TNFSF4: variants seen among roughly 807,000 people sequenced by gnomAD.
TNFSF4 encodes the protein tumor necrosis factor ligand superfamily member 4.
In TNFSF4, 4 loss-of-function variants were observed where a neutral mutation model predicts 7.3. The observed-to-expected ratio is 0.55, with a 90% CI of 0.27 to 1.25. The LOEUF (loss-of-function observed/expected upper bound fraction) is 1.25, where lower values mean the gene tolerates loss of function less well. Ranked by LOEUF, TNFSF4 falls within the 50% of genes most tolerant of loss-of-function variation. TNFSF4 has a pLI of 0.12. For synonymous variants in TNFSF4, 76 were observed against 83.7 expected, an observed-to-expected ratio of 0.91 and a Z score of 0.50; for missense variants, 181 against 208.8, an observed-to-expected ratio of 0.87 and a Z score of 0.82.
the TNFSF4 span, among the ~76,000 whole-genome samples, chr1:173,436,602 G>GT: frequency 6.6e-6 from 1 of 152,126 alleles, no homozygotes; most frequent in African/African-American, 2.4e-5. Context: ...TAGAGGTGGG[G>GT]TTTCACCATC....
At chr1:173,267,128 G>A in the TNFSF4 span, among the ~76,000 whole-genome samples, 7 of 152,178 alleles carry the variant, frequency 4.6e-5, no homozygotes, top group South Asian at 2.1e-4. Context: ...AATTAAGATC[G>A]AAAGATGTAT....
the TNFSF4 span, among the ~76,000 whole-genome samples, chr1:173,343,258 G>A: frequency 6.6e-6 from 1 of 152,200 alleles, no homozygotes; most frequent in Admixed American, 6.5e-5. Flanking sequence ...AGCAGGAGAT[G>A]GGAATTTCTG....
chr1:173,249,005 T>C, the TNFSF4 span, among the ~76,000 whole-genome samples: 1 of 152,178 alleles, frequency 6.6e-6, no homozygotes, highest in South Asian at 2.1e-4. Flanking sequence ...AAAAGATGAA[T>C]GAGTAGCCAA....
chr1:173,351,841 C>T, the TNFSF4 span: 2 of 605,678 alleles, frequency 3.3e-6, no homozygotes, highest in Non-Finnish European at 6.1e-6. Context: ...CAGGAAAAGG[C>T]CAATGGCACA....
At chr1:173,348,834 C>T in the TNFSF4 span, among the ~76,000 whole-genome samples, 1 of 152,112 alleles carries the variant, frequency 6.6e-6, no homozygotes. Context: ...AAAACTAGGA[C>T]ATATACAGTG....
At chr1:173,248,565 A>G in the TNFSF4 span, among the ~76,000 whole-genome samples, 1 of 152,146 alleles carries the variant, frequency 6.6e-6, no homozygotes, top group South Asian at 2.1e-4. Context: ...AAGAAAGAAC[A>G]AAGGAAGAAA....
the TNFSF4 span, among the ~76,000 whole-genome samples, chr1:173,300,694 A>C: frequency 6.6e-6 from 1 of 151,816 alleles, no homozygotes; most frequent in Admixed American, 6.6e-5. Context: ...AAATCAACAT[A>C]ATTTCCAGTT....
At chr1:173,237,763 C>T in the TNFSF4 span, among the ~76,000 whole-genome samples, 5 of 152,090 alleles carry the variant, frequency 3.3e-5, no homozygotes, top group East Asian at 9.8e-4. Context: ...AGAAATGACA[C>T]AAACAAATGT....
At chr1:173,305,048 C>CA in the TNFSF4 span, among the ~76,000 whole-genome samples, 1 of 151,994 alleles carries the variant, frequency 6.6e-6, no homozygotes, top group East Asian at 1.9e-4. Context: ...TAGGAATTCA[C>CA]AAAAACGAAC....
the TNFSF4 span, among the ~76,000 whole-genome samples, chr1:173,233,148 G>T: frequency 6.6e-6 from 1 of 152,120 alleles, no homozygotes; most frequent in Non-Finnish European, 1.5e-5. Context: ...CCTGATGGAG[G>T]TGAAAACCAT....
At chr1:173,202,174 G>A (rs2101998523) in intron 1 of TNFSF4, among the ~76,000 whole-genome samples, 1 of 152,032 alleles carries the variant, frequency 6.6e-6, no homozygotes, top group East Asian at 1.9e-4. Flanking sequence ...GTAACCAGCA[G>A]CTGAGGTCAG....
the TNFSF4 span, among the ~76,000 whole-genome samples, chr1:173,216,601 A>G: frequency 6.6e-6 from 1 of 152,150 alleles, no homozygotes; most frequent in Non-Finnish European, 1.5e-5. Context: ...AAGTATAGCA[A>G]TGAGCCATGA....
chr1:173,212,121 G>A (rs986307341), upstream of TNFSF4, among the ~76,000 whole-genome samples: 7 of 152,084 alleles, frequency 4.6e-5, no homozygotes, highest in Non-Finnish European at 1.0e-4. Flanking sequence ...CAAGAGAGAG[G>A]TGCCAGGCTC....
At chr1:173,259,144 C>G in the TNFSF4 span, among the ~76,000 whole-genome samples, 4 of 152,238 alleles carry the variant, frequency 2.6e-5, no homozygotes, top group East Asian at 7.7e-4. Flanking sequence ...GAGGAAGAAG[C>G]AGGCTACCAT....
At chr1:173,413,698 G>C in the TNFSF4 span, among the ~76,000 whole-genome samples, 47 of 152,166 alleles carry the variant, frequency 3.1e-4, no homozygotes, top group Non-Finnish European at 1.3e-4. Flanking sequence ...TGTGACGTTT[G>C]GCCCTTTTGC....
the TNFSF4 span, among the ~76,000 whole-genome samples, chr1:173,332,627 G>A: frequency 0.056 from 8,573 of 152,196 alleles, 259 homozygotes; most frequent in Middle Eastern, 0.11. Flanking sequence ...AGGCCAAGGC[G>A]GGTGGATCAC....
At chr1:173,421,334 C>A in the TNFSF4 span, among the ~76,000 whole-genome samples, 300 of 152,148 alleles carry the variant, frequency 2.0e-3, 2 homozygotes, top group South Asian at 1.9e-3. Flanking sequence ...ATTTGGCAAC[C>A]TGACCCCCAT....
At chr1:173,270,085 A>C in the TNFSF4 span, among the ~76,000 whole-genome samples, 5 of 152,192 alleles carry the variant, frequency 3.3e-5, no homozygotes. Flanking sequence ...AGAAAGAGCA[A>C]AGTCAAGAAC....
the TNFSF4 span, among the ~76,000 whole-genome samples, chr1:173,308,394 ATATT>A: frequency 6.6e-6 from 1 of 150,884 alleles, no homozygotes; most frequent in Non-Finnish European, 1.5e-5. Flanking sequence ...GTCTTCTAGA[ATATT>A]TATTCTTTTG....
Sources: allele counts gnomAD v4.1 joint callset (sites outside exome capture counted in the v4.1 genomes callset), GRCh38; gene constraint gnomAD v4.1.1; transcripts MANE v1.5; gene names NCBI Gene and HGNC (gene_info 2026-07-23, HGNC 2026-07-21).